Variants in APBA1 observed in about 807,000 individuals in gnomAD.
The protein encoded by APBA1 is amyloid beta precursor protein binding family A member 1.
APBA1 carries 55 observed loss-of-function variants against 86.6 expected under a neutral mutation model. That is an observed-to-expected ratio of 0.64 (90% CI 0.51 to 0.80). The LOEUF is 0.80. APBA1 is among the 30% of genes least tolerant of loss of function. The probability of loss-of-function intolerance (pLI) is 0.00; values close to 1 mark genes in which losing one functional copy is unlikely to be tolerated. For missense variants in APBA1, 1,090 were observed against 1,183.0 expected (o/e 0.92, Z 1.15); for synonymous variants, 511 against 493.9 (o/e 1.03, Z -0.46).
chr9:69,620,874 T>C (rs1337312768), intron 1 of APBA1, among the ~76,000 whole-genome samples: 1 of 150,520 alleles, frequency 6.6e-6, no homozygotes, highest in Non-Finnish European at 1.5e-5. Flanking sequence ...ACGAAGGAGC[T>C]GCACAGTTGG....
intron 5 of APBA1, among the ~76,000 whole-genome samples, chr9:69,459,993 C>T (rs966182725): frequency 6.6e-5 from 10 of 152,186 alleles, no homozygotes; most frequent in East Asian, 1.9e-4. Context: ...AAACTGCAGA[C>T]GCTATTGTGG....
At chr9:69,603,900 C>T (rs533000380) in intron 1 of APBA1, among the ~76,000 whole-genome samples, 19 of 152,226 alleles carry the variant, frequency 1.2e-4, no homozygotes, top group Non-Finnish European at 1.8e-4. Context: ...ACGGCCTCTT[C>T]AGTCTGCCCC....
At chr9:69,475,493 C>T (rs1387562482) in intron 3 of APBA1, among the ~76,000 whole-genome samples, 1 of 152,188 alleles carries the variant, frequency 6.6e-6, no homozygotes, top group African/African-American at 2.4e-5. Context: ...GAAGGGCGCT[C>T]ATAAGATGGG....
At position 69,429,987 on chromosome 9, in the gene APBA1, A is replaced by G. The variant is rs959017680; in HGVS notation, c.*1340T>C. On this transcript the variant is annotated 3_prime_UTR_variant, in exon 13 of 13. Coordinates refer to ENST00000265381, the MANE Select transcript of APBA1 (RefSeq NM_001163.4). Reference sequence around the variant, plus strand: ...AACATCTACACTGAACTGAGACGGAAGCATAAATATGAGGCACCTGATGAA... The same window carrying G: ...AACATCTACACTGAACTGAGACGGAGGCATAAATATGAGGCACCTGATGAA... 6.6e-6 allele frequency: 1 copy of G among 152,184 alleles called. No homozygotes were observed. Among genetic ancestry groups the G allele is most frequent in the Non-Finnish European group, 1.5e-5 (1 of 68,040 alleles). 9.4% of individuals were successfully genotyped at this position (152,184 alleles called of 1,614,324 possible). A position where few individuals can be genotyped will look rare whatever the true frequency, so the allele number is the denominator to read the frequency against.
chr9:69,451,362 C>A (rs1310278876), intron 9 of APBA1, among the ~76,000 whole-genome samples: 2 of 152,212 alleles, frequency 1.3e-5, no homozygotes, highest in Non-Finnish European at 2.9e-5. Flanking sequence ...ACCTGACAGA[C>A]CCCAGTGGAT....
chr9:69,627,633 G>A (rs1211132018), intron 1 of APBA1, among the ~76,000 whole-genome samples: 1 of 152,070 alleles, frequency 6.6e-6, no homozygotes, highest in South Asian at 2.1e-4. Context: ...AAACAAATAC[G>A]ATGGCTACTC....
intron 2 of APBA1, 117 bp downstream of exon 2, chr9:69,515,894 A>T: frequency 8.8e-7 from 1 of 1,133,358 alleles, no homozygotes; most frequent in Non-Finnish European, 1.2e-6. Context: ...AAAAGTTCTT[A>T]GCGTCCCCAC....
At chr9:69,631,760 C>T (rs1823051516) in intron 1 of APBA1, among the ~76,000 whole-genome samples, 1 of 152,172 alleles carries the variant, frequency 6.6e-6, no homozygotes, top group Admixed American at 6.5e-5. Context: ...TTTGTAGGAA[C>T]ATGGATGAAG....
chr9:69,592,067 T>C (rs1355322255), intron 1 of APBA1, among the ~76,000 whole-genome samples: 1 of 152,222 alleles, frequency 6.6e-6, no homozygotes, highest in Non-Finnish European at 1.5e-5. Flanking sequence ...TCCTTACTTA[T>C]CATTGCTGAA....
At chr9:69,441,750 T>A (rs1342879353) in intron 10 of APBA1, among the ~76,000 whole-genome samples, 2 of 152,098 alleles carry the variant, frequency 1.3e-5, no homozygotes, top group African/African-American at 4.8e-5. Context: ...TGGGTGTTGA[T>A]GGAGAAGGAA....
At position 69,527,952 on chromosome 9, in the gene APBA1, C is replaced by T. The variant is rs146707808; in HGVS notation, c.-69-10673G>A. On this transcript the variant is annotated intron_variant, in intron 1 of 12. Coordinates refer to ENST00000265381, the MANE Select transcript of APBA1 (RefSeq NM_001163.4). ...CTTATTTAGAAGATTTGGCTGTGAA[C>T]GCTTTTTGATGTTCTCCAAATATCA... 5.1e-3 allele frequency among the ~76,000 whole-genome samples: 772 copies of T among 152,088 alleles called. 28 individuals are homozygous for T. The highest frequency in any genetic ancestry group is 0.045 in the Admixed American group (683 of 15,264).
rs529566145 is a variant in APBA1 at position 69,440,400 on chromosome 9, G to T, written c.2301+596C>A. On this transcript the variant is annotated intron_variant, in intron 11 of 12. Coordinates refer to ENST00000265381, the MANE Select transcript of APBA1 (RefSeq NM_001163.4). ...CCAGAGGTGGAGCCTACAGAGGCAG[G>T]CAGGCCTCCTTGAGCTGTAGTGGGC... Among the ~76,000 whole-genome samples, 5 of 152,112 alleles carry T rather than the reference G, an allele frequency of 3.3e-5. No individual in the cohort carries two copies. In the South Asian group the frequency reaches 6.2e-4, roughly 19 times the overall value.
At chr9:69,477,172 C>G (rs1458652727) in intron 2 of APBA1, among the ~76,000 whole-genome samples, 1 of 151,870 alleles carries the variant, frequency 6.6e-6, no homozygotes, top group Non-Finnish European at 1.5e-5. Flanking sequence ...GTGAGCGACA[C>G]AGAAGATGGG....
intron 2 of APBA1, among the ~76,000 whole-genome samples, chr9:69,510,184 C>T: frequency 6.8e-6 from 1 of 147,274 alleles, no homozygotes. Flanking sequence ...ACTGTCTCAG[C>T]CCAAAATCTC....
chr9:69,428,709 C>T lies in APBA1; in HGVS notation c.*2618G>A, dbSNP rs1458709905. ...AGACCACCACTTCTCTTGGGACTTT[C>T]AAAAAATCTAGCGACTTGCTTTTAA... is the stretch of plus-strand genomic sequence containing the variant. On this transcript the variant is annotated 3_prime_UTR_variant, in exon 13 of 13. Coordinates refer to ENST00000265381, the MANE Select transcript of APBA1 (RefSeq NM_001163.4). The T allele has an allele frequency of 6.6e-6, 1 of 152,170 alleles. No individual in the cohort carries two copies. Among genetic ancestry groups the T allele is most frequent in the African/African-American group, 2.4e-5 (1 of 41,440 alleles). 9.4% of individuals were successfully genotyped at this position (152,170 alleles called of 1,614,324 possible).
At chr9:69,456,520 G>A in intron 7 of APBA1, 88 bp from the exon 8 acceptor site, 1 of 1,377,500 alleles carries the variant, frequency 7.3e-7, no homozygotes, top group Non-Finnish European at 9.9e-7. Context: ...AGTCAAGTAT[G>A]GTTCGCATGC....
In APBA1 at chr9:69,636,927, GAAAGAAAGAAAGAAA is replaced by G. The variant is rs1564099001; in HGVS notation, c.-70+35211_-70+35225del. ...GGAAGGAAGGAAGGAAGGAAGGAAA[GAAAGAAAGAAAGAAA>G]GAAAGAAAGAAAGAAAGAAAGAAAG... is the stretch of plus-strand genomic sequence containing the variant. On this transcript the variant is annotated intron_variant, in intron 1 of 12. Coordinates refer to ENST00000265381, the MANE Select transcript of APBA1 (RefSeq NM_001163.4). 2.2e-3 allele frequency among the ~76,000 whole-genome samples: 267 copies of G among 120,524 alleles called. 2 individuals carry two copies. The highest frequency in any genetic ancestry group is 8.1e-3 in the African/African-American group (253 of 31,408). The allele number at this position is 120,524 out of a possible 152,430, so 79.1% of individuals were successfully genotyped here.
intron 10 of APBA1, 124 bp from the exon 11 acceptor site, chr9:69,441,239 G>T (rs1301520501): frequency 5.0e-6 from 6 of 1,194,154 alleles, no homozygotes; most frequent in Non-Finnish European, 6.9e-6. Context: ...CTGCCTGCTT[G>T]CCTGCAGGCC....
intron 1 of APBA1, among the ~76,000 whole-genome samples, chr9:69,591,514 T>A (rs1822128451): frequency 6.6e-6 from 1 of 152,152 alleles, no homozygotes. Context: ...AAGACAGTTG[T>A]TAAGTTAAAG....
Sources: gnomAD v4.1 joint callset for allele counts (sites outside exome capture counted in the v4.1 genomes callset) on GRCh38, gnomAD v4.1.1 for gene constraint, MANE v1.5 for transcripts, NCBI Gene and HGNC (gene_info 2026-07-23, HGNC 2026-07-21) for gene names.